The following FIGN variants were observed in gnomAD, a reference collection of about 807,000 sequenced individuals.
FIGN encodes the protein fidgetin.
FIGN carries 11 observed loss-of-function variants against 51.3 expected under a neutral mutation model. That is an observed-to-expected ratio of 0.21 (90% confidence interval 0.13 to 0.35). The LOEUF (loss-of-function observed/expected upper bound fraction) is 0.35. FIGN is among the 10% of genes least tolerant of loss of function. The pLI, the probability that FIGN is intolerant of heterozygous loss-of-function variation, is 1.00. For missense variants in FIGN, 857 were observed against 943.6 expected, an observed-to-expected ratio of 0.91 and a Z score of 1.20; for synonymous variants, 407 against 363.2, an observed-to-expected ratio of 1.12 and a Z score of -1.37.
chr2:163,720,409 T>C (rs1041394574), intron 2 of FIGN, among the ~76,000 whole-genome samples: 1 of 152,218 alleles, frequency 6.6e-6, no homozygotes, highest in Non-Finnish European at 1.5e-5. Context: ...TTAAATGGTT[T>C]ATTTGTGATT....
intron 2 of FIGN, among the ~76,000 whole-genome samples, chr2:163,646,733 C>A (rs1335141739): frequency 1.3e-5 from 2 of 152,186 alleles, no homozygotes; most frequent in African/African-American, 4.8e-5. Context: ...GGGACAATCA[C>A]CATCTCTGTT....
chr2:163,688,718 G>A (rs114038474), intron 2 of FIGN, among the ~76,000 whole-genome samples: 3 of 152,242 alleles, frequency 2.0e-5, no homozygotes, highest in East Asian at 1.9e-4. Context: ...AAAGTTGGTC[G>A]CAAGAGGGAG....
chr2:163,633,356 T>A (rs1573916369), intron 2 of FIGN, among the ~76,000 whole-genome samples: 2 of 152,204 alleles, frequency 1.3e-5, no homozygotes, highest in East Asian at 3.8e-4. Context: ...ATATTTATAA[T>A]CTTTTATTCC....
intron 2 of FIGN, among the ~76,000 whole-genome samples, chr2:163,710,837 G>C (rs1174613495): frequency 6.6e-6 from 1 of 151,732 alleles, no homozygotes; most frequent in Non-Finnish European, 1.5e-5. Context: ...CTTACTTGTT[G>C]GTAAAATAAA....
chr2:163,686,793 CACATAT>C (rs938000421), intron 2 of FIGN, among the ~76,000 whole-genome samples: 3 of 150,870 alleles, frequency 2.0e-5, no homozygotes, highest in Non-Finnish European at 4.4e-5. Flanking sequence ...CACACACACA[CACATAT>C]ATATATATTC....
At chr2:163,637,816 T>C (rs1429917497) in intron 2 of FIGN, among the ~76,000 whole-genome samples, 1 of 152,160 alleles carries the variant, frequency 6.6e-6, no homozygotes, top group Non-Finnish European at 1.5e-5. Flanking sequence ...TGTATCCTAG[T>C]GTTTTTGGTC....
chr2:163,631,645 T>A (rs1427319100), intron 2 of FIGN, among the ~76,000 whole-genome samples: 1 of 152,166 alleles, frequency 6.6e-6, no homozygotes, highest in Non-Finnish European at 1.5e-5. Context: ...TATACTGCAT[T>A]TTGTTTTTAT....
intron 2 of FIGN, among the ~76,000 whole-genome samples, chr2:163,690,160 C>T (rs1471145722): frequency 1.3e-5 from 2 of 152,022 alleles, no homozygotes; most frequent in African/African-American, 4.8e-5. Flanking sequence ...ACAGTGTTCC[C>T]CAAGGATGAG....
intron 1 of FIGN, among the ~76,000 whole-genome samples, chr2:163,735,374 G>T (rs912283373): frequency 6.6e-6 from 1 of 151,884 alleles, no homozygotes; most frequent in African/African-American, 2.4e-5. Flanking sequence ...ACATTTTCTC[G>T]TTCCCCCAGC....
chr2:163,617,018 C>A (rs1157308913), intron 2 of FIGN: 15 of 776,866 alleles, frequency 1.9e-5, no homozygotes, highest in Non-Finnish European at 2.3e-5. Context: ...GGAGTGATGA[C>A]CAAATGAAAT....
chr2:163,694,536 A>G (rs1005430998), intron 2 of FIGN, among the ~76,000 whole-genome samples: 1 of 152,190 alleles, frequency 6.6e-6, no homozygotes, highest in Non-Finnish European at 1.5e-5. Context: ...CATTTTTAGT[A>G]AAACACAGAA....
At chr2:163,712,533 A>C (rs544394613) in intron 2 of FIGN, among the ~76,000 whole-genome samples, 3 of 152,352 alleles carry the variant, frequency 2.0e-5, no homozygotes, top group African/African-American at 7.2e-5. Context: ...AAATACATAT[A>C]GAAAGATAAC....
chr2:163,678,947 T>C (rs886167449), intron 2 of FIGN, among the ~76,000 whole-genome samples: 11 of 152,164 alleles, frequency 7.2e-5, no homozygotes, highest in African/African-American at 2.7e-4. Flanking sequence ...ACATATACAA[T>C]AAGTGGTCTA....
rs997409888 is a variant in FIGN at position 163,637,844 on chromosome 2, C to T, written c.26-26038G>A. 2.6e-5 allele frequency among the ~76,000 whole-genome samples: 4 copies of T among 152,122 alleles called. No homozygotes were observed. The East Asian group carries it at 7.7e-4, about 29-fold the overall frequency. On this transcript the variant is annotated intron_variant, in intron 2 of 2. Coordinates refer to ENST00000333129, the MANE Select transcript of FIGN (RefSeq NM_018086.4). ...TTTTGGTCTTCTGACATATTTTAGGCAGGATGTGACTTTTGCCATAAAAAA... is the reference window on the plus strand; with the variant it reads ...TTTTGGTCTTCTGACATATTTTAGGTAGGATGTGACTTTTGCCATAAAAAA...
intron 2 of FIGN, among the ~76,000 whole-genome samples, chr2:163,624,691 C>CATACAT (rs1683027004): frequency 1.4e-5 from 2 of 141,282 alleles, no homozygotes; most frequent in Middle Eastern, 7.4e-3. Flanking sequence ...TATATACATA[C>CATACAT]ATATATATAT....
At chr2:163,669,375 C>A (rs989542088) in intron 2 of FIGN, among the ~76,000 whole-genome samples, 4 of 152,114 alleles carry the variant, frequency 2.6e-5, no homozygotes, top group Admixed American at 6.5e-5. Context: ...CCATGCCCAG[C>A]TAATATTTGC....
At chr2:163,679,824 G>A (rs1309440169) in intron 2 of FIGN, among the ~76,000 whole-genome samples, 2 of 152,036 alleles carry the variant, frequency 1.3e-5, no homozygotes, top group African/African-American at 4.8e-5. Context: ...TCTAGTGAAA[G>A]TTCTAACTTA....
Position 163,626,751 on chromosome 2 carries a change from G to C in FIGN, c.26-14945C>G, listed in dbSNP as rs552050576. Among the ~76,000 whole-genome samples, 8 of 152,216 alleles carry C rather than the reference G, an allele frequency of 5.3e-5. No homozygotes were observed. The South Asian group carries it at 1.7e-3, about 32-fold the overall frequency. On this transcript the variant is annotated intron_variant, in intron 2 of 2. Transcript: ENST00000333129. The stretch of plus-strand genomic sequence containing the variant: ...TCTTAGTCACAAGATGAGATAGGAG[G>C]TCAGCACAAGATACAGGTCATAAAG...
intron 2 of FIGN, among the ~76,000 whole-genome samples, chr2:163,668,898 G>A (rs1683828488): frequency 6.6e-6 from 1 of 151,698 alleles, no homozygotes. Context: ...CAGAGATCGT[G>A]CCACTGCACT....
Sources: gnomAD v4.1 joint callset for allele counts (sites outside exome capture counted in the v4.1 genomes callset) on GRCh38, gnomAD v4.1.1 for gene constraint, MANE v1.5 for transcripts, NCBI Gene and HGNC (gene_info 2026-07-23, HGNC 2026-07-21) for gene names.